DPF3: variants seen among roughly 807,000 people sequenced by gnomAD.
DPF3 encodes double PHD fingers 3, also known as zinc finger protein DPF3.
DPF3 carries 18 observed loss-of-function variants against 56.8 expected under a neutral mutation model. That is an observed-to-expected ratio of 0.32 (90% CI 0.22 to 0.47). DPF3 has a LOEUF of 0.47. Among genes scored for constraint, DPF3 ranks in the 20% least tolerant of loss-of-function variants. The probability of loss-of-function intolerance (pLI) is 1.00; values close to 1 mark genes in which losing one functional copy is unlikely to be tolerated. For synonymous variants in DPF3, 188 were observed against 180.2 expected, an observed-to-expected ratio of 1.04 and a Z score of -0.35; for missense variants, 403 against 488.8, an observed-to-expected ratio of 0.82 and a Z score of 1.65.
intron 1 of DPF3, among the ~76,000 whole-genome samples, chr14:72,789,056 A>T (rs1174560178): frequency 6.6e-6 from 1 of 152,134 alleles, no homozygotes; most frequent in Non-Finnish European, 1.5e-5. Context: ...GTGGCTACTT[A>T]TTCGAAAACC....
At chr14:72,822,307 G>T (rs1031317753) in intron 1 of DPF3, among the ~76,000 whole-genome samples, 2 of 152,122 alleles carry the variant, frequency 1.3e-5, no homozygotes, top group Admixed American at 6.6e-5. Flanking sequence ...CTTGAACCTG[G>T]AAGCCAGTGG....
chr14:72,869,012 A>G (rs1473137240), intron 1 of DPF3, among the ~76,000 whole-genome samples: 2 of 152,016 alleles, frequency 1.3e-5, no homozygotes, highest in South Asian at 2.1e-4. Flanking sequence ...AAACTTCTCC[A>G]TCAAGGCCCT....
intron 5 of DPF3, among the ~76,000 whole-genome samples, chr14:72,715,416 T>A (rs1323883150): frequency 2.0e-5 from 3 of 152,126 alleles, no homozygotes; most frequent in Non-Finnish European, 4.4e-5. Flanking sequence ...CCTCTCCAGG[T>A]CATTCTTTGG....
chr14:72,760,260 C>T lies in DPF3; in HGVS notation c.194-6889G>A, dbSNP rs145748516. Reference sequence around the variant, plus strand: ...CCAAGGCAGGCACATCACCTGAGGTCGGGAGTTCGAGAACCGCCTGACCGA... The same window carrying T: ...CCAAGGCAGGCACATCACCTGAGGTTGGGAGTTCGAGAACCGCCTGACCGA... On this transcript the variant is annotated intron_variant, in intron 2 of 10. Transcript: ENST00000556509. Among the ~76,000 whole-genome samples the T allele has an allele frequency of 5.9e-3, 891 of 152,246 alleles. 9 individuals carry two copies. The highest frequency in any genetic ancestry group is 0.021 in the African/African-American group (854 of 41,528).
rs935896439 is a variant in DPF3, at chr14:72,611,784, C to A, written c.*7513G>T. Among the ~76,000 whole-genome samples, 1 of 152,172 alleles carries A rather than the reference C, an allele frequency of 6.6e-6. No homozygotes were observed. The highest frequency in any genetic ancestry group is 2.4e-5 in the African/African-American group (1 of 41,438). The stretch of plus-strand genomic sequence containing the variant: ...CAACTAGGCTGAGGTCATCTGTTTT[C>A]TTCCCCCGACCCCTCAGCCTCCACA... On this transcript the variant is annotated 3_prime_UTR_variant, in exon 11 of 11. Coordinates refer to ENST00000556509, the MANE Select transcript of DPF3 (RefSeq NM_001280542.3).
chr14:72,853,548 C>T (rs905363484), intron 1 of DPF3, among the ~76,000 whole-genome samples: 1 of 143,026 alleles, frequency 7.0e-6, no homozygotes, highest in Admixed American at 7.3e-5. Flanking sequence ...GATCTTGGCT[C>T]AACACAACCT....
intron 3 of DPF3, among the ~76,000 whole-genome samples, chr14:72,743,431 T>A (rs1382927688): frequency 6.6e-6 from 1 of 152,144 alleles, no homozygotes; most frequent in Non-Finnish European, 1.5e-5. Context: ...TTCCTAATTC[T>A]GTGCCGCAGT....
intron 1 of DPF3, among the ~76,000 whole-genome samples, chr14:72,883,534 G>T (rs540647500): frequency 3.3e-5 from 5 of 152,244 alleles, no homozygotes; most frequent in African/African-American, 1.2e-4. Context: ...TTGTAGCTTT[G>T]CAGCAAGACT....
intron 8 of DPF3, among the ~76,000 whole-genome samples, chr14:72,640,191 T>C (rs907713502): frequency 2.0e-5 from 3 of 150,724 alleles, no homozygotes; most frequent in African/African-American, 7.4e-5. Flanking sequence ...TTGCAGGAGA[T>C]GATGCTAGAA....
intron 7 of DPF3, among the ~76,000 whole-genome samples, chr14:72,680,841 G>A (rs753551410): frequency 2.0e-5 from 3 of 152,228 alleles, no homozygotes; most frequent in Non-Finnish European, 2.9e-5. Flanking sequence ...TTTTGACTGC[G>A]TTGCCGATCT....
At chr14:72,787,269 T>C (rs985333395) in intron 1 of DPF3, among the ~76,000 whole-genome samples, 1 of 152,146 alleles carries the variant, frequency 6.6e-6, no homozygotes, top group Admixed American at 6.5e-5. Context: ...TATCATCCCA[T>C]GGAATAGGGA....
rs576844774 is a variant in DPF3, at chr14:72,759,418, C to T, written c.194-6047G>A. 5.1e-4 allele frequency among the ~76,000 whole-genome samples: 77 copies of T among 152,160 alleles called. 1 individual carries two copies. Among genetic ancestry groups the T allele is most frequent in the Admixed American group, 3.9e-3 (60 of 15,286 alleles). On this transcript the variant is annotated intron_variant, in intron 2 of 10. Coordinates refer to ENST00000556509, the MANE Select transcript of DPF3 (RefSeq NM_001280542.3). ...GTGCAGCGGCTCATGCCTTTAATCCCAACACTTTGGGAGGCCAAGGTGGAA... is the reference window on the plus strand; with the variant it reads ...GTGCAGCGGCTCATGCCTTTAATCCTAACACTTTGGGAGGCCAAGGTGGAA...
At chr14:72,782,966 C>A (rs1892047039) in intron 1 of DPF3, among the ~76,000 whole-genome samples, 1 of 152,160 alleles carries the variant, frequency 6.6e-6, no homozygotes, top group Non-Finnish European at 1.5e-5. Context: ...CTGGGCTCAC[C>A]TTTCCTGCTT....
At chr14:72,756,918 G>GAAAGAAAGAAAGAAAGAAAGA (rs1567223050) in intron 2 of DPF3, among the ~76,000 whole-genome samples, 27 of 136,352 alleles carry the variant, frequency 2.0e-4, no homozygotes, top group Admixed American at 5.9e-4. Context: ...AAGAAAGAAA[G>GAAAGAAAGAAAGAAAGAAAGA]AAAGAAAGAA....
intron 1 of DPF3, among the ~76,000 whole-genome samples, chr14:72,807,540 T>TA (rs1882837010): frequency 6.6e-6 from 1 of 151,462 alleles, no homozygotes; most frequent in Non-Finnish European, 1.5e-5. Flanking sequence ...TTTCAGTTTT[T>TA]AAAAAAATAC....
intron 8 of DPF3, among the ~76,000 whole-genome samples, chr14:72,672,547 C>T (rs1448016585): frequency 6.6e-6 from 1 of 152,176 alleles, no homozygotes; most frequent in Non-Finnish European, 1.5e-5. Flanking sequence ...CAAAACCAAT[C>T]CTTGGCAAAT....
chr14:72,833,837 A>G (rs1884167269), intron 1 of DPF3, among the ~76,000 whole-genome samples: 1 of 152,242 alleles, frequency 6.6e-6, no homozygotes, highest in South Asian at 2.1e-4. Flanking sequence ...TGGCCAATAG[A>G]CACATGAAAA....
chr14:72,696,237 CCATTTTGTTATGT>C (rs1299441138), intron 6 of DPF3, among the ~76,000 whole-genome samples: 1 of 152,208 alleles, frequency 6.6e-6, no homozygotes, highest in African/African-American at 2.4e-5. Context: ...TTCACTTGTG[CCATTTTGTTATGT>C]CAATCATCAC....
intron 1 of DPF3, among the ~76,000 whole-genome samples, chr14:72,852,406 T>A (rs1008846023): frequency 3.3e-5 from 5 of 152,190 alleles, no homozygotes; most frequent in Non-Finnish European, 1.5e-5. Context: ...TGGATGCAAT[T>A]TGCCACACTG....
Sources: gnomAD v4.1 joint callset for allele counts (sites outside exome capture counted in the v4.1 genomes callset) on GRCh38, gnomAD v4.1.1 for gene constraint, MANE v1.5 for transcripts, NCBI Gene and HGNC (gene_info 2026-07-23, HGNC 2026-07-21) for gene names.